PRPF4: variants seen among roughly 807,000 people sequenced by gnomAD.
The protein encoded by PRPF4 is U4/U6 small nuclear ribonucleoprotein Prp4.
Under a neutral mutation model 72.2 loss-of-function variants are expected in PRPF4, and 14 were observed. That is an observed-to-expected ratio of 0.19 (90% CI 0.13 to 0.30). The LOEUF (loss-of-function observed/expected upper bound fraction) is 0.30, where lower values mean the gene tolerates loss of function less well. Among genes scored for constraint, PRPF4 ranks in the 10% least tolerant of loss-of-function variants. The pLI is 1.00. For missense variants in PRPF4, 478 were observed against 653.9 expected (o/e 0.73, Z 2.93); for synonymous variants, 225 against 232.2 (o/e 0.97, Z 0.28).
At chr9:113,275,899 G>C in intron 1 of PRPF4, 129 bp downstream of exon 1, 1 of 1,303,378 alleles carries the variant, frequency 7.7e-7, no homozygotes. Flanking sequence ...GCGGGACTCA[G>C]CGGTGTCCTA....
chr9:113,282,541 A>C (rs2118609677), intron 3 of PRPF4, 105 bp from the exon 4 acceptor site: 1 of 840,420 alleles, frequency 1.2e-6, no homozygotes, highest in South Asian at 1.9e-5. Flanking sequence ...CTCCCATCTT[A>C]GGGGAACTTT....
intron 2 of PRPF4, among the ~76,000 whole-genome samples, chr9:113,277,146 T>C (rs1456626934): frequency 6.6e-6 from 1 of 152,120 alleles, no homozygotes; most frequent in East Asian, 1.9e-4. Context: ...GCTATAAGGC[T>C]GTATTTTGCC....
At chr9:113,279,336 TTTTGTTTTGTTTTG>T (rs1035539999) in intron 3 of PRPF4, among the ~76,000 whole-genome samples, 1 of 41,838 alleles carries the variant, frequency 2.4e-5, no homozygotes, top group African/African-American at 1.6e-4. Context: ...GTTTGTTCGT[TTTTGTTTTGTTTTG>T]TTTTGTTTTG....
chr9:113,284,067 CAAAA>C (rs538497931), intron 6 of PRPF4, among the ~76,000 whole-genome samples: 12 of 80,190 alleles, frequency 1.5e-4, no homozygotes, highest in Admixed American at 1.2e-3. Flanking sequence ...GACTCTGTCT[CAAAA>C]AAAAAAAAAA....
chr9:113,287,122 A>G (rs1281133549), intron 9 of PRPF4, among the ~76,000 whole-genome samples: 1 of 152,168 alleles, frequency 6.6e-6, no homozygotes, highest in Non-Finnish European at 1.5e-5. Flanking sequence ...CTAGTGTGAA[A>G]ATGAAGTAAG....
At chr9:113,290,415 A>G in intron 10 of PRPF4, 51 bp from the exon 11 acceptor site, 1 of 1,612,452 alleles carries the variant, frequency 6.2e-7, no homozygotes, top group Non-Finnish European at 8.5e-7. Context: ...TATGTGTTGT[A>G]GAAACTGAAT....
intron 3 of PRPF4, among the ~76,000 whole-genome samples, chr9:113,280,100 CTT>C (rs1832231080): frequency 6.6e-6 from 1 of 152,096 alleles, no homozygotes; most frequent in Non-Finnish European, 1.5e-5. Flanking sequence ...TAAAATTGCT[CTT>C]TGTTAAGATC....
intron 9 of PRPF4, among the ~76,000 whole-genome samples, chr9:113,287,541 G>A (rs886710188): frequency 6.6e-6 from 1 of 150,914 alleles, no homozygotes; most frequent in Non-Finnish European, 1.5e-5. Flanking sequence ...GAATTTAATT[G>A]TTTAGTTTTC....
At chr9:113,291,280 C>G (rs1832600881) in intron 13 of PRPF4, among the ~76,000 whole-genome samples, 187 bp from the exon 14 acceptor site, 1 of 152,148 alleles carries the variant, frequency 6.6e-6, no homozygotes, top group Admixed American at 6.5e-5. Flanking sequence ...AGCACTGAGT[C>G]CTTAATATTA....
rs1244837498 is a variant in PRPF4 at position 113,291,531 on chromosome 9, A to G, written c.1437A>G (p.Pro479=). ...ACACAGCCAAGATCTGGACGCACCC[A>G]GGCTGGTCCCCGCTGAAGACTCTGG... The part of the protein sequence containing the change: ...YDNTAKIWTH[P]GWSPLKTLAG... The change falls in exon 14 of 14, where the codon CCA becomes CCG. Residue 479 remains proline, a synonymous_variant. Coordinates refer to ENST00000374198, the MANE Select transcript of PRPF4 (RefSeq NM_001244926.2). The G allele has an allele frequency of 1.2e-6, 2 of 1,614,044 alleles. No individual in the cohort carries two copies. Among genetic ancestry groups the G allele is most frequent in the South Asian group, 1.1e-5 (1 of 91,092 alleles).
chr9:113,283,265 C>G lies in PRPF4; in HGVS notation c.560+54C>G, dbSNP rs1564249335. Reference sequence around the variant, plus strand: ...AGCATATTTTTTGTGTGTGTTTCCTCTCAGGAACTGAGTGCTGGATAATGA... The same window carrying G: ...AGCATATTTTTTGTGTGTGTTTCCTGTCAGGAACTGAGTGCTGGATAATGA... On this transcript the variant is annotated intron_variant, in intron 5 of 13. Coordinates refer to ENST00000374198, the MANE Select transcript of PRPF4 (RefSeq NM_001244926.2). The G allele has an allele frequency of 5.6e-6, 9 of 1,613,892 alleles. No individual in the cohort carries two copies. In the South Asian group the frequency reaches 8.8e-5, roughly 16 times the overall value.
Position 113,283,210 on chromosome 9 carries a change from A to C in PRPF4, c.559A>C (p.Arg187=), listed in dbSNP as rs760149101. Residue 187 remains arginine, a splice_region_variant and synonymous_variant, in exon 5 of 14, where the codon AGG becomes CGG. Transcript: ENST00000374198. ...RLWIANYSLP[R]AMKRLEEARL... Reference sequence around the variant, plus strand: ...ATGGATTGCTAATTATTCGTTGCCCAGGTAAAGAGAGCCTCCAGTAGAAGA... The same window carrying C: ...ATGGATTGCTAATTATTCGTTGCCCCGGTAAAGAGAGCCTCCAGTAGAAGA... The C allele has an allele frequency of 1.2e-6, 2 of 1,614,224 alleles. No homozygotes were observed. Among genetic ancestry groups the C allele is most frequent in the Admixed American group, 1.7e-5 (1 of 60,026 alleles).
chr9:113,291,366 A>T, intron 13 of PRPF4, 101 bp from the exon 14 acceptor site: 1 of 1,233,110 alleles, frequency 8.1e-7, no homozygotes, highest in Non-Finnish European at 1.1e-6. Context: ...TGTAGAAACA[A>T]GTTTTTTTAA....
chr9:113,275,783 G>T lies in PRPF4; in HGVS notation c.27+13G>T. On this transcript the variant is annotated intron_variant, in intron 1 of 13. Coordinates refer to ENST00000374198, the MANE Select transcript of PRPF4 (RefSeq NM_001244926.2). ...AGCCTCTTCCACGGTACAGAGCCCG[G>T]GATCCCAGCTCACTCTGGCAGGGAG... The T allele has an allele frequency of 6.2e-7, 1 of 1,611,362 alleles. No homozygotes were observed.
rs1832643309 is a variant in PRPF4, at chr9:113,292,666, T to C, written c.*1006T>C. On this transcript the variant is annotated 3_prime_UTR_variant, in exon 14 of 14. Transcript: ENST00000374198. ...CAAAGCAAAACCATTGTGTCAGGAG[T>C]CAAACAAATGTTTAGAAAGCAAACA... The C allele has an allele frequency of 6.6e-6, 1 of 152,126 alleles. No homozygotes were observed. Among genetic ancestry groups the C allele is most frequent in the Non-Finnish European group, 1.5e-5 (1 of 68,018 alleles). The allele number at this position is 152,126 out of a possible 1,614,324, so 9.4% of individuals were successfully genotyped here.
At chr9:113,276,821 ATT>A in intron 2 of PRPF4, 96 bp downstream of exon 2, 96 of 1,085,830 alleles carry the variant, frequency 8.8e-5, no homozygotes, top group Non-Finnish European at 9.7e-5. Context: ...AAAAATTACA[ATT>A]TTTTTTTTTT....
In PRPF4 at chr9:113,278,483, C is replaced by G. The variant is rs148321792; in HGVS notation, c.206-462C>G. On this transcript the variant is annotated intron_variant, in intron 2 of 13. Coordinates refer to ENST00000374198, the MANE Select transcript of PRPF4 (RefSeq NM_001244926.2). Reference sequence around the variant, plus strand: ...ACTATTGCTAGATTATCCAGAAATCCTTATAGTTGTGGAACTCTCATTTTC... The same window carrying G: ...ACTATTGCTAGATTATCCAGAAATCGTTATAGTTGTGGAACTCTCATTTTC... Among the ~76,000 whole-genome samples, 241 of 152,276 alleles carry G rather than the reference C, an allele frequency of 1.6e-3. 2 individuals carry two copies. The highest frequency in any genetic ancestry group is 5.2e-3 in the African/African-American group (218 of 41,556).
intron 3 of PRPF4, among the ~76,000 whole-genome samples, chr9:113,280,728 A>G (rs1432132227): frequency 6.6e-6 from 1 of 152,126 alleles, no homozygotes; most frequent in East Asian, 1.9e-4. Flanking sequence ...TCCCTTCCCC[A>G]ATTTACTAGA....
chr9:113,289,949 G>A (rs1022400364), intron 10 of PRPF4, among the ~76,000 whole-genome samples: 1 of 152,198 alleles, frequency 6.6e-6, no homozygotes, highest in African/African-American at 2.4e-5. Context: ...GTTGGGCATG[G>A]TGGCTCACAC....
Sources: gnomAD v4.1 joint callset for allele counts (sites outside exome capture counted in the v4.1 genomes callset) on GRCh38, gnomAD v4.1.1 for gene constraint, MANE v1.5 for transcripts, NCBI Gene and HGNC (gene_info 2026-07-23, HGNC 2026-07-21) for gene names.